Variants in TBC1D22A observed in about 807,000 individuals in gnomAD.
TBC1D22A encodes putative GTPase activator.
TBC1D22A carries 38 observed loss-of-function variants against 60.2 expected under a neutral mutation model. The observed-to-expected ratio is 0.63, with a 90% CI of 0.49 to 0.83. TBC1D22A has a LOEUF of 0.83. Ranked by LOEUF, TBC1D22A falls within the 40% of genes least tolerant of loss-of-function variation. The pLI is 0.00. For synonymous variants in TBC1D22A, 302 were observed against 281.7 expected, an observed-to-expected ratio of 1.07 and a Z score of -0.72; for missense variants, 628 against 701.0, an observed-to-expected ratio of 0.90 and a Z score of 1.18.
chr22:46,797,451 C>G lies in TBC1D22A; in HGVS notation c.468C>G (p.Ala156=). ...ATTCTCTCACCCCTGCAGAAAGTGC[C>G]AGCGATGCCGCCCCTCTGCAGAGGT... ...ESHTSCPAES[A]SDAAPLQRSQ... is the part of the protein sequence containing the mutation. The change falls in exon 4 of 13, where the codon GCC becomes GCG. Residue 156 remains alanine (A), a synonymous_variant. Coordinates refer to ENST00000337137, the MANE Select transcript of TBC1D22A (RefSeq NM_014346.5). The G allele has an allele frequency of 2.5e-6, 4 of 1,612,738 alleles. No individual in the cohort carries two copies. Among genetic ancestry groups the G allele is most frequent in the Non-Finnish European group, 3.4e-6 (4 of 1,180,012 alleles).
At chr22:47,104,979 A>T (rs1461016578) in intron 11 of TBC1D22A, among the ~76,000 whole-genome samples, 1 of 151,858 alleles carries the variant, frequency 6.6e-6, no homozygotes, top group Non-Finnish European at 1.5e-5. Context: ...AATGTATTTG[A>T]TTGATGTCTC....
intron 8 of TBC1D22A, among the ~76,000 whole-genome samples, chr22:46,941,677 A>ACGGAATATATATACGCGGATTATATATG (rs1569249044): frequency 3.4e-5 from 5 of 146,674 alleles, no homozygotes; most frequent in South Asian, 2.1e-4. Flanking sequence ...GAATATATAT[A>ACGGAATATATATACGCGGATTATATATG]CGGAATATAT....
intron 4 of TBC1D22A, among the ~76,000 whole-genome samples, chr22:46,826,578 T>C (rs2086076031): frequency 6.6e-6 from 1 of 152,166 alleles, no homozygotes; most frequent in African/African-American, 2.4e-5. Context: ...GCTTTTCGTG[T>C]CCTGGTGTCC....
At position 46,891,159 on chromosome 22, in the gene TBC1D22A, G is replaced by A. The variant is rs1021140362; in HGVS notation, c.709-107G>A. 11 of 1,275,696 alleles carry A rather than the reference G, an allele frequency of 8.6e-6. No homozygotes were observed. In the African/African-American group the frequency reaches 1.4e-4, roughly 16 times the overall value. The allele number at this position is 1,275,696 out of a possible 1,614,324, so 79.0% of individuals were successfully genotyped here. ...GTGCTCCTCTCTGTGTCAGATTTCA[G>A]AATGCCAAGCTTAGGTATGATGCAA... On this transcript the variant is annotated intron_variant, in intron 5 of 12. Coordinates refer to ENST00000337137, the MANE Select transcript of TBC1D22A (RefSeq NM_014346.5).
At chr22:46,921,131 T>C (rs537949975) in intron 8 of TBC1D22A, among the ~76,000 whole-genome samples, 1 of 152,328 alleles carries the variant, frequency 6.6e-6, no homozygotes, top group South Asian at 2.1e-4. Flanking sequence ...TACAGGTTTT[T>C]TATATAGGTA....
chr22:46,791,830 G>A (rs1042600273), intron 1 of TBC1D22A, among the ~76,000 whole-genome samples: 3 of 152,094 alleles, frequency 2.0e-5, no homozygotes, highest in African/African-American at 7.2e-5. Context: ...GCACGATCTC[G>A]GCTGACTGCA....
At chr22:46,858,987 CTGTG>C (rs879297905) in intron 4 of TBC1D22A, among the ~76,000 whole-genome samples, 13,198 of 145,944 alleles carry the variant, frequency 0.09, 3,022 homozygotes, top group Admixed American at 0.099. Flanking sequence ...CTGTGTAGTG[CTGTG>C]CCCCTTCCCG....
At position 47,122,420 on chromosome 22, in the gene TBC1D22A, C is replaced by T. The variant is rs138181106; in HGVS notation, c.1425+10817C>T. On this transcript the variant is annotated intron_variant, in intron 12 of 12. Transcript: ENST00000337137. ...GAGGAGGGGGTGAGTGTGGTCATTT[C>T]TGAGTAACCTGTGAGGATCTGTGTG... 1.1e-3 allele frequency among the ~76,000 whole-genome samples: 162 copies of T among 152,300 alleles called. 4 individuals are homozygous for T. In the South Asian group the frequency reaches 0.021, roughly 19 times the overall value.
chr22:46,891,809 G>A (rs1262294975), intron 6 of TBC1D22A, among the ~76,000 whole-genome samples: 1 of 152,148 alleles, frequency 6.6e-6, no homozygotes, highest in East Asian at 1.9e-4. Context: ...GGGTTCTCTG[G>A]CGCTGGGCTC....
chr22:46,999,635 G>T (rs1189176381), intron 10 of TBC1D22A, among the ~76,000 whole-genome samples: 2 of 152,144 alleles, frequency 1.3e-5, no homozygotes, highest in Admixed American at 1.3e-4. Context: ...TTGCCTCCTA[G>T]AGAAAGGATT....
intron 8 of TBC1D22A, 110 bp downstream of exon 8, chr22:46,912,298 A>G (rs929591536): frequency 4.1e-6 from 3 of 727,750 alleles, no homozygotes; most frequent in South Asian, 2.1e-5. Context: ...GTTATTAATG[A>G]TAGGTAATAT....
chr22:46,916,903 A>C (rs2070404613), intron 8 of TBC1D22A, among the ~76,000 whole-genome samples: 1 of 152,370 alleles, frequency 6.6e-6, no homozygotes, highest in Non-Finnish European at 1.5e-5. Context: ...GAAGTTCTCT[A>C]TGCCAGGAAG....
chr22:47,018,855 C>G (rs1394694758), intron 10 of TBC1D22A, among the ~76,000 whole-genome samples: 1 of 152,150 alleles, frequency 6.6e-6, no homozygotes, highest in Admixed American at 6.5e-5. Context: ...GCCTGTCACT[C>G]ACATTTTTCT....
At chr22:47,104,674 G>A (rs57638941) in intron 11 of TBC1D22A, among the ~76,000 whole-genome samples, 9,409 of 144,004 alleles carry the variant, frequency 0.065, 1,020 homozygotes, top group African/African-American at 0.23. Flanking sequence ...CAGCCTGGGC[G>A]ACAGAGAAAG....
At chr22:47,116,692 G>T (rs1423898271) in intron 12 of TBC1D22A, 1 of 152,364 alleles carries the variant, frequency 6.6e-6, no homozygotes, top group Non-Finnish European at 1.5e-5. Context: ...GCAGGTGCCA[G>T]CCCGAGCTGC....
chr22:47,015,668 C>T (rs2148318743), intron 10 of TBC1D22A, among the ~76,000 whole-genome samples: 1 of 152,274 alleles, frequency 6.6e-6, no homozygotes, highest in East Asian at 1.9e-4. Flanking sequence ...CAGCAGCAGC[C>T]AGGAAGCCAG....
chr22:46,993,947 G>C (rs1368242399), intron 9 of TBC1D22A, among the ~76,000 whole-genome samples: 6 of 152,358 alleles, frequency 3.9e-5, no homozygotes, highest in East Asian at 1.9e-4. Context: ...CGCCCTCGGG[G>C]GGTGGGGCCG....
chr22:46,842,505 A>G (rs1569117606), intron 4 of TBC1D22A, among the ~76,000 whole-genome samples: 1 of 152,134 alleles, frequency 6.6e-6, no homozygotes, highest in African/African-American at 2.4e-5. Flanking sequence ...GATGCATCTC[A>G]AAGTAAGTTG....
Position 46,763,177 on chromosome 22 carries a change from G to C in TBC1D22A, c.62+329G>C, listed in dbSNP as rs149563052. The C allele has an allele frequency of 2.4e-3, 741 of 314,498 alleles. 4 individuals carry two copies. The highest frequency in any genetic ancestry group is 0.014 in the East Asian group (243 of 17,428). The allele number at this position is 314,498 out of a possible 1,614,324, so 19.5% of individuals were successfully genotyped here. The stretch of plus-strand genomic sequence containing the variant: ...GATTCGGGTCATGCTGTGAAGTTTG[G>C]TGGAGTCCGGAAGCTGGCCGGGCTG... On this transcript the variant is annotated intron_variant, in intron 1 of 12. Coordinates refer to ENST00000337137, the MANE Select transcript of TBC1D22A (RefSeq NM_014346.5).
Sources: allele counts gnomAD v4.1 joint callset (sites outside exome capture counted in the v4.1 genomes callset), GRCh38; gene constraint gnomAD v4.1.1; transcripts MANE v1.5; gene names NCBI Gene and HGNC (gene_info 2026-07-23, HGNC 2026-07-21).